Variants in CATSPERD observed in about 807,000 individuals in gnomAD.
The protein encoded by CATSPERD is cation channel sperm-associated auxiliary subunit delta.
In CATSPERD, 86 loss-of-function variants were observed where a neutral mutation model predicts 98.1. The observed-to-expected ratio is 0.88, with a 90% CI of 0.74 to 1.05. The LOEUF (loss-of-function observed/expected upper bound fraction) is 1.05. Ranked by LOEUF, CATSPERD falls within the 50% of genes least tolerant of loss-of-function variation. The pLI, the probability that CATSPERD is intolerant of heterozygous loss-of-function variation, is 0.00. For synonymous variants in CATSPERD, 394 were observed against 390.2 expected (o/e 1.01, Z -0.12); for missense variants, 995 against 1,005.7 (o/e 0.99, Z 0.14).
At chr19:5,743,138 C>A (rs893979406) in intron 7 of CATSPERD, among the ~76,000 whole-genome samples, 3 of 152,050 alleles carry the variant, frequency 2.0e-5, no homozygotes, top group African/African-American at 7.3e-5. Context: ...CTCATCTCTA[C>A]TAAAAATACA....
intron 6 of CATSPERD, among the ~76,000 whole-genome samples, chr19:5,738,872 G>A (rs1360195947): frequency 4.6e-5 from 7 of 151,156 alleles, no homozygotes; most frequent in South Asian, 2.1e-4. Context: ...CAACACGCCC[G>A]GCCTGTTTTT....
chr19:5,733,348 C>CT (rs1157709906), intron 4 of CATSPERD, among the ~76,000 whole-genome samples: 1 of 18,332 alleles, frequency 5.5e-5, no homozygotes, highest in African/African-American at 1.3e-4. Context: ...TTCTTTCTTT[C>CT]TTCCTTCCTT....
intron 20 of CATSPERD, among the ~76,000 whole-genome samples, chr19:5,775,663 AAAAAGAAAG>A (rs1568378222): frequency 6.7e-6 from 1 of 150,340 alleles, no homozygotes; most frequent in Non-Finnish European, 1.5e-5. Flanking sequence ...AAAAAAAAAA[AAAAAGAAAG>A]AAAAGAAAGA....
rs1167772211 is a variant in CATSPERD at position 5,763,176 on chromosome 19, G to T, written c.1428-39G>T. The T allele has an allele frequency of 6.6e-6, 10 of 1,512,284 alleles. No homozygotes were observed. In the Admixed American group the frequency reaches 1.5e-4, roughly 23 times the overall value. The allele number at this position is 1,512,284 out of a possible 1,614,324, so 93.7% of individuals were successfully genotyped here. ...GAATGCAGCTGTGTCGTTTACAGGG[G>T]TGCTATTCTCTAATAACACAGGTTC... On this transcript the variant is annotated intron_variant, in intron 15 of 21. Transcript: ENST00000381624.
chr19:5,754,107 C>T, intron 12 of CATSPERD, 25 bp from the exon 13 acceptor site: 1 of 1,485,894 alleles, frequency 6.7e-7, no homozygotes, highest in Non-Finnish European at 9.4e-7. Flanking sequence ...GCATGATTAT[C>T]TTTCTTCTTC....
chr19:5,749,581 A>C (rs993992897), intron 11 of CATSPERD, among the ~76,000 whole-genome samples: 2 of 152,140 alleles, frequency 1.3e-5, no homozygotes, highest in Non-Finnish European at 2.9e-5. Flanking sequence ...CAGCAGCTAA[A>C]AGGGGAAGAG....
intron 1 of CATSPERD, among the ~76,000 whole-genome samples, chr19:5,721,435 G>C (rs1039905218): frequency 9.9e-5 from 15 of 151,932 alleles, no homozygotes; most frequent in African/African-American, 3.4e-4. Flanking sequence ...GTGAGCCACC[G>C]CGCCCAGCCT....
intron 20 of CATSPERD, 26 bp downstream of exon 20, chr19:5,772,991 A>G: frequency 1.1e-5 from 17 of 1,607,384 alleles, no homozygotes; most frequent in Non-Finnish European, 1.4e-5. Context: ...GATCGTTTCC[A>G]GAAGAATCAG....
intron 2 of CATSPERD, 32 bp downstream of exon 2, chr19:5,724,894 A>C (rs774947845): frequency 6.2e-7 from 1 of 1,606,932 alleles, no homozygotes; most frequent in Admixed American, 1.7e-5. Context: ...TTCATCCTTC[A>C]CTTTTGTCTA....
chr19:5,756,293 A>G (rs2056323586), intron 13 of CATSPERD, among the ~76,000 whole-genome samples: 2 of 151,454 alleles, frequency 1.3e-5, no homozygotes, highest in African/African-American at 4.8e-5. Context: ...AGAAAAAAAA[A>G]AATTAAATAA....
intron 20 of CATSPERD, among the ~76,000 whole-genome samples, chr19:5,775,949 G>A (rs1184287346): frequency 2.0e-5 from 3 of 152,146 alleles, no homozygotes; most frequent in Non-Finnish European, 4.4e-5. Context: ...GCCTCCAACA[G>A]AGGCAGGTGA....
chr19:5,737,657 T>C (rs2055875258), intron 6 of CATSPERD, among the ~76,000 whole-genome samples: 1 of 151,456 alleles, frequency 6.6e-6, no homozygotes, highest in Admixed American at 6.6e-5. Flanking sequence ...GAGACCAGCC[T>C]GGCCAACATG....
chr19:5,727,238 ATT>A, intron 2 of CATSPERD, 28 bp from the exon 3 acceptor site: 1 of 1,516,078 alleles, frequency 6.6e-7, no homozygotes, highest in South Asian at 1.1e-5. Context: ...GGTTATTGAT[ATT>A]ATTAAGATTT....
intron 2 of CATSPERD, among the ~76,000 whole-genome samples, chr19:5,726,702 C>A (rs1483647834): frequency 6.6e-6 from 1 of 150,638 alleles, no homozygotes; most frequent in African/African-American, 2.4e-5. Context: ...ATTAAAAAAA[C>A]TGTTTATTTG....
In CATSPERD at chr19:5,754,241, C is replaced by T. The variant is rs2056281484; in HGVS notation, c.1274C>T (p.Pro425Leu). 1.9e-6 allele frequency: 3 copies of T among 1,608,232 alleles called. No homozygotes were observed. Among genetic ancestry groups the T allele is most frequent in the Non-Finnish European group, 2.6e-6 (3 of 1,174,736 alleles). ...LIPQPGTSLI[P>L]LVMVSNPHSL... ...CCCCAGCCAGGCACATCCCTGATTC[C>T]TCTGGTAAGTACATCTTAATGTTTC... The change falls in exon 13 of 22, where the codon CCT (proline) becomes CTT (leucine). Residue 425 changes from proline (P) to leucine (L), a missense_variant. Physicochemically the swap from Pro to Leu is moderately conservative, Grantham distance 98. Coordinates refer to ENST00000381624, the MANE Select transcript of CATSPERD (RefSeq NM_152784.4).
At chr19:5,728,592 C>A (rs1472124582) in intron 3 of CATSPERD, among the ~76,000 whole-genome samples, 1 of 151,366 alleles carries the variant, frequency 6.6e-6, no homozygotes, top group Admixed American at 6.6e-5. Context: ...TCAGCCATGA[C>A]CAATTATAAA....
At chr19:5,744,562 G>T in intron 8 of CATSPERD, 52 bp downstream of exon 8, 1 of 1,313,280 alleles carries the variant, frequency 7.6e-7, no homozygotes, top group South Asian at 1.4e-5. Flanking sequence ...CCCAAGCCCA[G>T]GTTTTTGTTA....
At chr19:5,730,552 T>TAA (rs2055694026) in intron 4 of CATSPERD, among the ~76,000 whole-genome samples, 1 of 64,884 alleles carries the variant, frequency 1.5e-5, no homozygotes, top group Non-Finnish European at 3.0e-5. Flanking sequence ...TAAAAAATAA[T>TAA]AATAAAATAA....
Position 5,778,706 on chromosome 19 carries a change from C to G in CATSPERD, c.*30C>G, listed in dbSNP as rs1218925140. 6.3e-7 allele frequency: 1 copy of G among 1,577,474 alleles called. No homozygotes were observed. The highest frequency in any genetic ancestry group is 1.4e-5 in the African/African-American group (1 of 73,716). On this transcript the variant is annotated 3_prime_UTR_variant, in exon 22 of 22. Coordinates refer to ENST00000381624, the MANE Select transcript of CATSPERD (RefSeq NM_152784.4). ...GGTCCACAGGGTCCCAACCCCTTGT[C>G]TTCAAATAAAGTATAATGTAACATA...
Sources: gnomAD v4.1 joint callset for allele counts (sites outside exome capture counted in the v4.1 genomes callset) on GRCh38, gnomAD v4.1.1 for gene constraint, MANE v1.5 for transcripts, NCBI Gene and HGNC (gene_info 2026-07-23, HGNC 2026-07-21) for gene names.